Variants in MYO16 observed in about 807,000 individuals in gnomAD.
MYO16 encodes the protein myosin XVI, also known as unconventional myosin-XVI.
In MYO16, 94 loss-of-function variants were observed where a neutral mutation model predicts 205.3. That is an observed-to-expected ratio of 0.46 (90% confidence interval 0.39 to 0.54). MYO16 has a LOEUF of 0.54. MYO16 is among the 20% of genes least tolerant of loss of function. The probability of loss-of-function intolerance (pLI) is 0.00; values close to 1 mark genes in which losing one functional copy is unlikely to be tolerated. For synonymous variants in MYO16, 988 were observed against 954.0 expected (o/e 1.04, Z -0.66); for missense variants, 2,315 against 2,387.5 (o/e 0.97, Z 0.63).
intron 34 of MYO16, among the ~76,000 whole-genome samples, chr13:109,200,683 CTTT>C (rs529830670): frequency 4.5e-5 from 6 of 134,756 alleles, no homozygotes; most frequent in African/African-American, 8.1e-5. Context: ...GGATCTGGGA[CTTT>C]TTTTTTTTTT....
At chr13:108,701,083 G>A (rs1199592589) in intron 2 of MYO16, among the ~76,000 whole-genome samples, 1 of 152,132 alleles carries the variant, frequency 6.6e-6, no homozygotes, top group African/African-American at 2.4e-5. Flanking sequence ...TACGATAAAT[G>A]AGCAGAGATT....
chr13:109,020,602 C>T (rs867811861), intron 23 of MYO16, among the ~76,000 whole-genome samples: 5 of 152,166 alleles, frequency 3.3e-5, no homozygotes, highest in South Asian at 2.1e-4. Flanking sequence ...ATATATCTTC[C>T]TTGTCTTCTT....
Position 109,045,336 on chromosome 13 carries a change from C to T in MYO16, c.2797-1580C>T, listed in dbSNP as rs150518142. 4.4e-3 allele frequency among the ~76,000 whole-genome samples: 676 copies of T among 152,306 alleles called. 4 individuals carry two copies. Among genetic ancestry groups the T allele is most frequent in the Non-Finnish European group, 7.9e-3 (537 of 68,034 alleles). ...CCAGTTGTGACAGGAAAAATGTCTC[C>T]AGAAACGACCAAGTGTCCCCTGGAG... On this transcript the variant is annotated intron_variant, in intron 23 of 34. Transcript: ENST00000457511.
At chr13:108,668,371 G>A (rs540375165) in intron 2 of MYO16, among the ~76,000 whole-genome samples, 2 of 152,272 alleles carry the variant, frequency 1.3e-5, no homozygotes, top group South Asian at 2.1e-4. Context: ...TTTTAGGATA[G>A]AGCTGACAGG....
intron 10 of MYO16, chr13:108,855,199 A>G: frequency 2.7e-6 from 1 of 363,712 alleles, no homozygotes; most frequent in Non-Finnish European, 5.0e-6. Context: ...GGGCTAACAG[A>G]CAGGGTGTGT....
intron 27 of MYO16, among the ~76,000 whole-genome samples, chr13:109,089,868 C>T (rs545821824): frequency 6.6e-6 from 1 of 152,180 alleles, no homozygotes; most frequent in African/African-American, 2.4e-5. Context: ...CCTCACGCTC[C>T]ATTTTCAACT....
intron 32 of MYO16, among the ~76,000 whole-genome samples, chr13:109,149,864 C>T (rs533092744): frequency 1.1e-3 from 164 of 152,284 alleles, no homozygotes; most frequent in African/African-American, 3.6e-3. Flanking sequence ...CCTCACTTTC[C>T]GTTTCTCTTT....
At chr13:109,085,088 C>G (rs889037789) in intron 27 of MYO16, among the ~76,000 whole-genome samples, 1 of 152,070 alleles carries the variant, frequency 6.6e-6, no homozygotes, top group Non-Finnish European at 1.5e-5. Flanking sequence ...CAGGTTCAGC[C>G]TGGGGGAGAG....
chr13:109,112,119 T>C (rs773560033), intron 28 of MYO16, among the ~76,000 whole-genome samples: 2 of 152,214 alleles, frequency 1.3e-5, no homozygotes, highest in Non-Finnish European at 2.9e-5. Flanking sequence ...CACATTGGTT[T>C]TCTGCTTCAG....
At chr13:108,519,044 A>T in the MYO16 span, among the ~76,000 whole-genome samples, 6 of 152,170 alleles carry the variant, frequency 3.9e-5, no homozygotes, top group African/African-American at 1.4e-4. Context: ...CTTGGAATAG[A>T]TGCTGCTTTA....
chr13:108,712,549 T>G (rs917343251), intron 2 of MYO16, 112 bp from the exon 3 acceptor site: 5 of 899,116 alleles, frequency 5.6e-6, no homozygotes, highest in East Asian at 4.9e-5. Flanking sequence ...AGCCGTAGTC[T>G]TTGGTTTTCA....
chr13:108,796,985 CCG>C (rs869147990), intron 6 of MYO16, among the ~76,000 whole-genome samples: 1 of 151,384 alleles, frequency 6.6e-6, no homozygotes, highest in Non-Finnish European at 1.5e-5. Context: ...CAGGGGTAAA[CCG>C]GAGAGTTTGT....
chr13:108,964,052 C>G (rs1337806651), intron 19 of MYO16, among the ~76,000 whole-genome samples: 3 of 152,200 alleles, frequency 2.0e-5, no homozygotes, highest in Non-Finnish European at 4.4e-5. Context: ...CACGTGGACC[C>G]CGCCCTGTTC....
At chr13:108,821,866 A>G (rs1875991442) in intron 8 of MYO16, among the ~76,000 whole-genome samples, 1 of 152,172 alleles carries the variant, frequency 6.6e-6, no homozygotes, top group African/African-American at 2.4e-5. Context: ...TACCTTATTC[A>G]TGGCCTGTTG....
chr13:109,196,986 G>A (rs1416754675), intron 34 of MYO16, among the ~76,000 whole-genome samples: 1 of 152,128 alleles, frequency 6.6e-6, no homozygotes, highest in Non-Finnish European at 1.5e-5. Flanking sequence ...ACCTATTATA[G>A]AACAGTACAA....
intron 27 of MYO16, among the ~76,000 whole-genome samples, chr13:109,082,939 C>T (rs1221463104): frequency 6.6e-6 from 1 of 152,064 alleles, no homozygotes; most frequent in African/African-American, 2.4e-5. Flanking sequence ...TATATATTCA[C>T]ATATCTATAA....
chr13:108,929,794 A>AT (rs1338349697), intron 16 of MYO16, among the ~76,000 whole-genome samples: 1 of 152,178 alleles, frequency 6.6e-6, no homozygotes, highest in Non-Finnish European at 1.5e-5. Flanking sequence ...CCACACATGC[A>AT]TTAAAAAAAA....
the MYO16 span, among the ~76,000 whole-genome samples, chr13:108,508,712 C>T: frequency 6.2e-3 from 944 of 152,186 alleles, 7 homozygotes; most frequent in African/African-American, 0.022. Context: ...GAGGGAGGGA[C>T]GGTAGAATGT....
chr13:108,975,482 T>A (rs1353869631), intron 20 of MYO16, among the ~76,000 whole-genome samples: 6 of 152,190 alleles, frequency 3.9e-5, no homozygotes, highest in African/African-American at 1.4e-4. Context: ...GAGGTCAACT[T>A]GGGCAGGTTA....
Sources: gnomAD v4.1 joint callset for allele counts (sites outside exome capture counted in the v4.1 genomes callset) on GRCh38, gnomAD v4.1.1 for gene constraint, MANE v1.5 for transcripts, NCBI Gene and HGNC (gene_info 2026-07-23, HGNC 2026-07-21) for gene names.